UGT1A3: variants seen among roughly 807,000 people sequenced by gnomAD.
The protein encoded by UGT1A3 is UDP glucuronosyltransferase family 1 member A3, also known as UDP-glucuronosyltransferase 1A3.
Under a neutral mutation model 41.0 loss-of-function variants are expected in UGT1A3, and 31 were observed. The observed-to-expected ratio is 0.76, with a 90% confidence interval of 0.57 to 1.02. UGT1A3 has a LOEUF of 1.02. Among genes scored for constraint, UGT1A3 ranks in the 50% least tolerant of loss-of-function variants. The pLI, the probability that UGT1A3 is intolerant of heterozygous loss-of-function variation, is 0.00. For synonymous variants in UGT1A3, 262 were observed against 257.6 expected (o/e 1.02, Z -0.17); for missense variants, 737 against 671.0 (o/e 1.10, Z -1.09).
rs563417082 is a variant in UGT1A3, at chr2:233,769,495, G to C, written c.1307+1056G>C. ...TGTGTGTGTGCGTGTGTTTATGAGA[G>C]TGTCCATTGCTTTCTCCCATGGTTA... is the stretch of plus-strand genomic sequence containing the variant. On this transcript the variant is annotated intron_variant, in intron 4 of 4. Transcript: ENST00000482026. The surrounding 1 kb of genome is among the most constrained non-coding windows in gnomAD (Gnocchi z 4.4). 1.4e-5 allele frequency: 23 copies of C among 1,612,758 alleles called. No individual in the cohort carries two copies. The South Asian group carries it at 2.2e-4, about 15-fold the overall frequency.
chr2:233,754,901 C>T (rs996500791), intron 1 of UGT1A3: 1 of 1,352,340 alleles, frequency 7.4e-7, no homozygotes, highest in Non-Finnish European at 9.9e-7. Flanking sequence ...TCTGACCCCC[C>T]AAAATATTCT....
At chr2:233,732,233 T>C (rs2078252612) in intron 1 of UGT1A3, among the ~76,000 whole-genome samples, 1 of 152,264 alleles carries the variant, frequency 6.6e-6, no homozygotes, top group South Asian at 2.1e-4. Context: ...TCTCCCATTC[T>C]GTAGGTTGCC....
At chr2:233,743,792 G>C (rs775660405) in intron 1 of UGT1A3, 3 of 1,367,294 alleles carry the variant, frequency 2.2e-6, no homozygotes, top group Non-Finnish European at 2.9e-6. Flanking sequence ...TCTCCTCTCC[G>C]CTTCCTCCTT....
chr2:233,757,047 T>C (rs1479467900), intron 1 of UGT1A3, among the ~76,000 whole-genome samples: 1 of 151,210 alleles, frequency 6.6e-6, no homozygotes, highest in Non-Finnish European at 1.5e-5. Context: ...CAAAGGAAGT[T>C]TGGGGAACAG....
intron 1 of UGT1A3, among the ~76,000 whole-genome samples, chr2:233,733,966 G>A (rs1285977671): frequency 6.6e-6 from 1 of 152,042 alleles, no homozygotes; most frequent in Non-Finnish European, 1.5e-5. Context: ...TGGGGTAGGG[G>A]GAGCGGGGAG....
At chr2:233,764,234 G>A (rs1271610105) in intron 1 of UGT1A3, among the ~76,000 whole-genome samples, 2 of 152,142 alleles carry the variant, frequency 1.3e-5, no homozygotes, top group Non-Finnish European at 2.9e-5. Flanking sequence ...GTGGGGGATT[G>A]GAGTGTTATT....
chr2:233,769,450 T>C lies in UGT1A3; in HGVS notation c.1307+1011T>C, dbSNP rs1280911013. 7 of 1,587,838 alleles carry C rather than the reference T, an allele frequency of 4.4e-6. No individual in the cohort carries two copies. The East Asian group carries it at 1.6e-4, about 36-fold the overall frequency. On this transcript the variant is annotated intron_variant, in intron 4 of 4. Transcript: ENST00000482026. The surrounding 1 kb of genome is among the most constrained non-coding windows in gnomAD (Gnocchi z 4.4). ...CTGTGCTCATGTGTGGGTGCACACG[T>C]GTGCATTCATATGCGTGTGTGTGTG...
At chr2:233,743,997 T>A (rs1692639058) in intron 1 of UGT1A3, 2 of 1,236,004 alleles carry the variant, frequency 1.6e-6, no homozygotes, top group Non-Finnish European at 2.1e-6. Flanking sequence ...GCCCGAGTGC[T>A]CGGAGACCTG....
intron 4 of UGT1A3, 47 bp downstream of exon 4, chr2:233,768,486 T>A: frequency 1.3e-6 from 2 of 1,583,238 alleles, no homozygotes; most frequent in East Asian, 2.3e-5. Context: ...GCATTCATGA[T>A]AAAATTGTTT....
Position 233,729,580 on chromosome 2 carries a change from G to A in UGT1A3, c.454G>A (p.Asp152Asn). The A allele has an allele frequency of 6.2e-7, 1 of 1,614,110 alleles. No homozygotes were observed. Residue 152 changes from aspartate to asparagine, a missense_variant, in exon 1 of 5, where the codon GAC (aspartate) becomes AAC (asparagine). Asp to Asn is a conservative substitution (Grantham distance 23). Coordinates refer to ENST00000482026, the MANE Select transcript of UGT1A3 (RefSeq NM_019093.4). ...TACTTCCTTTGATGTGGTTTTAACA[G>A]ACCCCGTTAACCTCTGCGCGGCAGT... ...NATSFDVVLT[D>N]PVNLCAAVLA...
At chr2:233,734,121 T>A (rs76091685) in intron 1 of UGT1A3, among the ~76,000 whole-genome samples, 3,256 of 151,966 alleles carry the variant, frequency 0.021, 102 homozygotes, top group African/African-American at 0.073. Context: ...ATAATAATAA[T>A]AAAAAGAATT....
At chr2:233,749,821 C>T (rs1469380104) in intron 1 of UGT1A3, among the ~76,000 whole-genome samples, 1 of 151,926 alleles carries the variant, frequency 6.6e-6, no homozygotes, top group African/African-American at 2.4e-5. Context: ...TCCTCTTTCT[C>T]TCTTTCATGT....
chr2:233,737,327 G>A (rs1317799063), intron 1 of UGT1A3, among the ~76,000 whole-genome samples: 4 of 152,258 alleles, frequency 2.6e-5, no homozygotes, highest in African/African-American at 4.8e-5. Flanking sequence ...TGCACTAGCA[G>A]TGAGCAAGGC....
At chr2:233,768,705 T>C (rs536691348) in intron 4 of UGT1A3, among the ~76,000 whole-genome samples, 10 of 148,550 alleles carry the variant, frequency 6.7e-5, no homozygotes, top group Admixed American at 6.1e-4. Flanking sequence ...TGCCTCAGCC[T>C]CCGTGTAGCT....
At chr2:233,756,092 A>T (rs1575740943) in intron 1 of UGT1A3, 1 of 152,228 alleles carries the variant, frequency 6.6e-6, no homozygotes, top group Admixed American at 6.5e-5. Flanking sequence ...ATCAAGTAAC[A>T]TTATTACGGA....
At chr2:233,753,747 C>G (rs1162212818) in intron 1 of UGT1A3, 1 of 152,226 alleles carries the variant, frequency 6.6e-6, no homozygotes, top group Non-Finnish European at 1.5e-5. Context: ...AGCAATAGGA[C>G]AGTTTTGCGT....
intron 1 of UGT1A3, among the ~76,000 whole-genome samples, chr2:233,766,353 G>A (rs939799287): frequency 1.3e-5 from 2 of 152,092 alleles, no homozygotes; most frequent in Non-Finnish European, 2.9e-5. Context: ...GTGGCCTGCC[G>A]GTGCCTGTTG....
intron 1 of UGT1A3, among the ~76,000 whole-genome samples, chr2:233,752,942 C>T (rs540473054): frequency 6.6e-6 from 1 of 152,310 alleles, no homozygotes; most frequent in South Asian, 2.1e-4. Context: ...CTTTGCTGAC[C>T]ACTGAACAAT....
At chr2:233,760,521 G>A (rs2125985351) in intron 1 of UGT1A3, 2 of 1,614,238 alleles carry the variant, frequency 1.2e-6, no homozygotes, top group Non-Finnish European at 1.7e-6. Flanking sequence ...CCTTGAAGAC[G>A]TACCCTGTGC....
Sources: gnomAD v4.1 joint callset for allele counts (sites outside exome capture counted in the v4.1 genomes callset) on GRCh38, gnomAD v4.1.1 for gene constraint, Gnocchi (gnomAD v3.1) non-coding constraint, MANE v1.5 for transcripts, NCBI Gene and HGNC (gene_info 2026-07-23, HGNC 2026-07-21) for gene names.